CDH12: variants seen among roughly 807,000 people sequenced by gnomAD.
The protein encoded by CDH12 is cadherin 12, also known as cadherin-12.
A neutral mutation model predicts 74.1 loss-of-function variants in CDH12; 41 were observed. The observed-to-expected ratio is 0.55, with a 90% confidence interval of 0.43 to 0.72. The LOEUF (loss-of-function observed/expected upper bound fraction) is 0.72. CDH12 is among the 30% of genes least tolerant of loss of function. The pLI is 0.00. For synonymous variants in CDH12, 399 were observed against 355.0 expected (o/e 1.12, Z -1.39); for missense variants, 945 against 977.2 (o/e 0.97, Z 0.44).
At chr5:22,153,903 T>TACACACACACAC (rs773341844) in intron 4 of CDH12, among the ~76,000 whole-genome samples, 43 of 111,152 alleles carry the variant, frequency 3.9e-4, no homozygotes, top group Non-Finnish European at 6.2e-4. Context: ...TATATATATA[T>TACACACACACAC]ACACACACAT....
At chr5:22,339,578 C>A (rs963007154) in intron 3 of CDH12, among the ~76,000 whole-genome samples, 5 of 152,060 alleles carry the variant, frequency 3.3e-5, no homozygotes, top group Non-Finnish European at 5.9e-5. Flanking sequence ...GGGAACACAA[C>A]CCTAGAGGAA....
chr5:21,950,755 A>ATTTTTT lies in CDH12; in HGVS notation c.526+24335_526+24336insAAAAAA, dbSNP rs1263550742. ...GTAATATATCAGCTACATAAATTTT[A>ATTTTTT]TTTTATTATTATTATTATTATTATT... On this transcript the variant is annotated intron_variant, in intron 6 of 14. Transcript: ENST00000382254. Among the ~76,000 whole-genome samples, 1,091 of 119,300 alleles carry ATTTTTT rather than the reference A, an allele frequency of 9.1e-3. 5 individuals carry two copies. The highest frequency in any genetic ancestry group is 0.016 in the Admixed American group (164 of 10,434). 78.3% of individuals were successfully genotyped at this position (119,300 alleles called of 152,430 possible). A position where few individuals can be genotyped will look rare whatever the true frequency, so the allele number is the denominator to read the frequency against.
chr5:21,984,539 T>G (rs1024453742), intron 5 of CDH12, among the ~76,000 whole-genome samples: 3 of 152,200 alleles, frequency 2.0e-5, no homozygotes, highest in African/African-American at 7.2e-5. Context: ...TGGGCTTGTT[T>G]AAACAGTCAC....
At chr5:21,812,225 A>G (rs1747786947) in intron 9 of CDH12, among the ~76,000 whole-genome samples, 1 of 152,140 alleles carries the variant, frequency 6.6e-6, no homozygotes, top group Admixed American at 6.6e-5. Flanking sequence ...TAGCTAAAAA[A>G]TTAAAATAAC....
chr5:22,479,478 A>G (rs540885281), intron 2 of CDH12, among the ~76,000 whole-genome samples: 67 of 152,206 alleles, frequency 4.4e-4, no homozygotes, highest in Non-Finnish European at 6.8e-4. Flanking sequence ...ATGTCCACAG[A>G]GATTTCATGG....
intron 6 of CDH12, among the ~76,000 whole-genome samples, chr5:21,943,081 T>C (rs941428062): frequency 7.9e-5 from 12 of 152,076 alleles, no homozygotes; most frequent in Admixed American, 7.2e-4. Context: ...CTTCACATGC[T>C]CTCTCTCCCC....
chr5:22,074,697 A>G (rs1742184007), intron 5 of CDH12, among the ~76,000 whole-genome samples: 1 of 152,194 alleles, frequency 6.6e-6, no homozygotes. Flanking sequence ...CAGCCAAAAG[A>G]CACATGAAAA....
intron 5 of CDH12, among the ~76,000 whole-genome samples, chr5:22,066,663 G>T (rs950846590): frequency 3.3e-5 from 5 of 152,144 alleles, no homozygotes; most frequent in African/African-American, 1.2e-4. Context: ...TTGAGGGAAA[G>T]TCCAAGGGGA....
intron 4 of CDH12, among the ~76,000 whole-genome samples, chr5:22,080,418 T>A (rs1388019345): frequency 1.3e-5 from 2 of 152,050 alleles, no homozygotes; most frequent in African/African-American, 4.8e-5. Context: ...CTAAAAAAAA[T>A]AAAATAAAAC....
intron 3 of CDH12, among the ~76,000 whole-genome samples, chr5:22,370,163 C>T (rs1353331104): frequency 6.6e-6 from 1 of 152,122 alleles, no homozygotes; most frequent in Non-Finnish European, 1.5e-5. Flanking sequence ...TTATATATTG[C>T]ACATATTCAA....
At chr5:22,038,810 A>T (rs1739361992) in intron 5 of CDH12, among the ~76,000 whole-genome samples, 1 of 151,924 alleles carries the variant, frequency 6.6e-6, no homozygotes, top group Admixed American at 6.6e-5. Flanking sequence ...GAGGAGTTGC[A>T]CCTCCCAGGA....
At position 22,537,979 on chromosome 5, in the gene CDH12, G is replaced by A. The variant is rs1160485154; in HGVS notation, c.-522-32615C>T. Reference sequence around the variant, plus strand: ...TGGGCTTGATAATTCTTTGTTGTGGGCAACCTTATATAGAAAAAGATGCAG... The same window carrying A: ...TGGGCTTGATAATTCTTTGTTGTGGACAACCTTATATAGAAAAAGATGCAG... On this transcript the variant is annotated intron_variant, in intron 1 of 14. Coordinates refer to ENST00000382254, the MANE Select transcript of CDH12 (RefSeq NM_004061.5). 2.0e-5 allele frequency among the ~76,000 whole-genome samples: 3 copies of A among 152,112 alleles called. No homozygotes were observed. In the East Asian group the frequency reaches 5.8e-4, roughly 29 times the overall value.
chr5:22,474,650 CAGAT>C (rs1746097183), intron 2 of CDH12, among the ~76,000 whole-genome samples: 1 of 152,082 alleles, frequency 6.6e-6, no homozygotes, highest in Non-Finnish European at 1.5e-5. Flanking sequence ...ACCAGAGAGA[CAGAT>C]AGCCTTAGCA....
chr5:22,358,103 T>A (rs989846673), intron 3 of CDH12, among the ~76,000 whole-genome samples: 2 of 152,118 alleles, frequency 1.3e-5, no homozygotes, highest in East Asian at 3.9e-4. Context: ...ATCGATGACA[T>A]TTCCTTAAAG....
intron 1 of CDH12, among the ~76,000 whole-genome samples, chr5:22,743,260 T>TTATATATATATATATA (rs71609778): frequency 4.4e-5 from 4 of 90,432 alleles, no homozygotes; most frequent in African/African-American, 1.7e-4. Context: ...AGCATGGAGA[T>TTATATATATATATATA]TATATATATA....
At chr5:22,357,284 T>G (rs928524808) in intron 3 of CDH12, among the ~76,000 whole-genome samples, 1 of 152,092 alleles carries the variant, frequency 6.6e-6, no homozygotes, top group East Asian at 1.9e-4. Context: ...TATTTCTGAT[T>G]TCTAGTGTTT....
chr5:22,501,356 C>A (rs567712292), intron 2 of CDH12, among the ~76,000 whole-genome samples: 2 of 152,102 alleles, frequency 1.3e-5, no homozygotes, highest in Non-Finnish European at 2.9e-5. Context: ...TTTTAATGTA[C>A]TCTTTTCTGC....
chr5:21,938,748 A>ATATATATATATATATATC (rs1490336535), intron 6 of CDH12, among the ~76,000 whole-genome samples: 56 of 136,488 alleles, frequency 4.1e-4, no homozygotes, highest in African/African-American at 1.3e-3. Flanking sequence ...ATATATATAT[A>ATATATATATATATATATC]TCTTCTACAT....
chr5:22,435,524 G>GTGTA lies in CDH12; in HGVS notation c.-427-30174_-427-30173insTACA, dbSNP rs148027987. ...TGTGTGTGTGTGTGTGTGTGTGTGT[G>GTGTA]TATATACATATATACTATTAGTTCA... On this transcript the variant is annotated intron_variant, in intron 2 of 14. Transcript: ENST00000382254. Among the ~76,000 whole-genome samples, 853 of 148,782 alleles carry GTGTA rather than the reference G, an allele frequency of 5.7e-3. 9 individuals carry two copies. Among genetic ancestry groups the GTGTA allele is most frequent in the Middle Eastern group, 0.014 (4 of 286 alleles).
Sources: allele counts gnomAD v4.1 joint callset (sites outside exome capture counted in the v4.1 genomes callset), GRCh38; gene constraint gnomAD v4.1.1; transcripts MANE v1.5; gene names NCBI Gene and HGNC (gene_info 2026-07-23, HGNC 2026-07-21).